Variants in CNTNAP2 observed in about 807,000 individuals in gnomAD.
CNTNAP2 encodes the protein contactin-associated protein-like 2.
Under a neutral mutation model 155.2 loss-of-function variants are expected in CNTNAP2, and 98 were observed. The ratio of observed to expected loss-of-function variants is 0.63; its 90% CI spans 0.54 to 0.75. The LOEUF is 0.75. CNTNAP2 is among the 30% of genes least tolerant of loss of function. The pLI, the probability that CNTNAP2 is intolerant of heterozygous loss-of-function variation, is 0.00. For missense variants in CNTNAP2, 1,727 were observed against 1,688.1 expected, an observed-to-expected ratio of 1.02 and a Z score of -0.40; for synonymous variants, 651 against 631.2, an observed-to-expected ratio of 1.03 and a Z score of -0.47.
chr7:146,755,600 C>A (rs568111036), intron 1 of CNTNAP2, among the ~76,000 whole-genome samples: 2 of 152,040 alleles, frequency 1.3e-5, no homozygotes, highest in African/African-American at 4.8e-5. Flanking sequence ...AAAAATGTAT[C>A]AGTGTGCATA....
intron 3 of CNTNAP2, among the ~76,000 whole-genome samples, chr7:146,861,847 C>T (rs1447045344): frequency 1.3e-5 from 2 of 152,050 alleles, no homozygotes; most frequent in Non-Finnish European, 2.9e-5. Context: ...TAAAAGATAT[C>T]GTATTTAGCA....
At chr7:147,107,693 T>G (rs1005208383) in intron 4 of CNTNAP2, among the ~76,000 whole-genome samples, 1 of 152,162 alleles carries the variant, frequency 6.6e-6, no homozygotes, top group East Asian at 1.9e-4. Context: ...CATAAAAGAT[T>G]ACATTCCAAG....
intron 11 of CNTNAP2, among the ~76,000 whole-genome samples, chr7:147,557,704 T>TA (rs1436447044): frequency 1.3e-5 from 2 of 152,176 alleles, no homozygotes; most frequent in African/African-American, 2.4e-5. Flanking sequence ...ATTCTCTGCA[T>TA]AAAAAAATGA....
chr7:147,527,213 C>T (rs910827832), intron 11 of CNTNAP2, among the ~76,000 whole-genome samples: 6 of 151,722 alleles, frequency 4.0e-5, no homozygotes, highest in East Asian at 3.9e-4. Flanking sequence ...TTAGTAGAGA[C>T]AGGGTTTCAC....
At chr7:146,121,876 A>C (rs1410915360) in intron 1 of CNTNAP2, among the ~76,000 whole-genome samples, 1 of 152,190 alleles carries the variant, frequency 6.6e-6, no homozygotes, top group Non-Finnish European at 1.5e-5. Context: ...ATTTATATAC[A>C]GCTGTTAATT....
intron 15 of CNTNAP2, among the ~76,000 whole-genome samples, chr7:148,057,832 T>C (rs2707559): frequency 0.54 from 81,332 of 151,792 alleles, 24,439 homozygotes; most frequent in East Asian, 0.8. Context: ...GACTGTGTGA[T>C]GGTGGAGAAG....
chr7:146,605,620 G>T (rs1158387836), intron 1 of CNTNAP2, among the ~76,000 whole-genome samples: 7 of 152,116 alleles, frequency 4.6e-5, no homozygotes, highest in Admixed American at 3.9e-4. Flanking sequence ...TATCATGGAT[G>T]ATAATAATCA....
At chr7:148,091,251 G>A (rs956995899) in intron 15 of CNTNAP2, among the ~76,000 whole-genome samples, 3 of 152,122 alleles carry the variant, frequency 2.0e-5, no homozygotes, top group African/African-American at 7.2e-5. Context: ...AAATTTTTCA[G>A]ATAACGCATG....
intron 20 of CNTNAP2, among the ~76,000 whole-genome samples, chr7:148,246,880 AT>A (rs1371560084): frequency 6.6e-6 from 1 of 152,124 alleles, no homozygotes; most frequent in Non-Finnish European, 1.5e-5. Flanking sequence ...GAGTCAGGAA[AT>A]TTTCTTTCTA....
At chr7:147,476,181 C>T (rs1453453758) in intron 10 of CNTNAP2, among the ~76,000 whole-genome samples, 1 of 152,112 alleles carries the variant, frequency 6.6e-6, no homozygotes, top group Non-Finnish European at 1.5e-5. Context: ...TCTCGGCTCA[C>T]TGCAATCTCC....
At chr7:146,534,633 G>A (rs763345961) in intron 1 of CNTNAP2, among the ~76,000 whole-genome samples, 15 of 151,850 alleles carry the variant, frequency 9.9e-5, no homozygotes, top group Non-Finnish European at 1.6e-4. Flanking sequence ...CTGAGAAAAG[G>A]GGCTTCATAT....
intron 15 of CNTNAP2, among the ~76,000 whole-genome samples, chr7:148,017,937 G>A (rs1445135447): frequency 6.6e-6 from 1 of 152,148 alleles, no homozygotes; most frequent in South Asian, 2.1e-4. Flanking sequence ...TTTTATCTTT[G>A]TTAAAGGCAG....
At chr7:147,127,479 A>T (rs75533424) in intron 6 of CNTNAP2, among the ~76,000 whole-genome samples, 3,314 of 152,200 alleles carry the variant, frequency 0.022, 50 homozygotes, top group Non-Finnish European at 0.029. Flanking sequence ...CATAGAACAT[A>T]ATTTGTTCAT....
At chr7:146,916,943 T>G (rs941094594) in intron 3 of CNTNAP2, among the ~76,000 whole-genome samples, 2 of 152,210 alleles carry the variant, frequency 1.3e-5, no homozygotes, top group South Asian at 2.1e-4. Context: ...GACTTTCTGA[T>G]GTAGGCATAT....
chr7:148,182,745 C>A (rs749683240), intron 18 of CNTNAP2, among the ~76,000 whole-genome samples: 1 of 152,144 alleles, frequency 6.6e-6, no homozygotes, highest in Non-Finnish European at 1.5e-5. Context: ...TATGAAGAGC[C>A]AGCTGCTCTC....
At chr7:148,216,422 C>T (rs1479879942) in intron 18 of CNTNAP2, among the ~76,000 whole-genome samples, 1 of 152,164 alleles carries the variant, frequency 6.6e-6, no homozygotes, top group East Asian at 1.9e-4. Flanking sequence ...ACCCAGTTCT[C>T]TCTAACTTCA....
At chr7:146,798,053 C>G (rs1342436521) in intron 2 of CNTNAP2, among the ~76,000 whole-genome samples, 1 of 152,076 alleles carries the variant, frequency 6.6e-6, no homozygotes, top group Non-Finnish European at 1.5e-5. Flanking sequence ...GTGGGAGGAT[C>G]ACTTGAGCCT....
At chr7:147,368,209 G>T (rs1796277791) in intron 9 of CNTNAP2, among the ~76,000 whole-genome samples, 1 of 151,542 alleles carries the variant, frequency 6.6e-6, no homozygotes, top group Non-Finnish European at 1.5e-5. Context: ...GTCAGGATTA[G>T]TCACCATGTG....
At chr7:147,516,054 A>G (rs1303630790) in intron 11 of CNTNAP2, among the ~76,000 whole-genome samples, 1 of 152,238 alleles carries the variant, frequency 6.6e-6, no homozygotes, top group Non-Finnish European at 1.5e-5. Context: ...GTCTGACTCT[A>G]TTGCTGCTAT....
Sources: allele counts gnomAD v4.1 joint callset (sites outside exome capture counted in the v4.1 genomes callset), GRCh38; gene constraint gnomAD v4.1.1; transcripts MANE v1.5; gene names NCBI Gene and HGNC (gene_info 2026-07-23, HGNC 2026-07-21).